The following FBXL17 variants were observed in gnomAD, a reference collection of about 807,000 sequenced individuals.
FBXL17 encodes F-box and leucine rich repeat protein 17, also known as F-box/LRR-repeat protein 17.
In FBXL17, 22 loss-of-function variants were observed where a neutral mutation model predicts 66.2. That is an observed-to-expected ratio of 0.33 (90% confidence interval 0.24 to 0.47). FBXL17 has a LOEUF of 0.47. Among genes scored for constraint, FBXL17 ranks in the 20% least tolerant of loss-of-function variants. FBXL17 has a pLI of 1.00. For synonymous variants in FBXL17, 474 were observed against 400.5 expected, an observed-to-expected ratio of 1.18 and a Z score of -2.19; for missense variants, 878 against 948.2, an observed-to-expected ratio of 0.93 and a Z score of 0.97.
intron 6 of FBXL17, among the ~76,000 whole-genome samples, chr5:108,133,396 T>C (rs1320823823): frequency 6.6e-6 from 1 of 152,218 alleles, no homozygotes; most frequent in Non-Finnish European, 1.5e-5. Flanking sequence ...GAATTCTATG[T>C]GCCATGTTAG....
intron 6 of FBXL17, among the ~76,000 whole-genome samples, chr5:108,155,384 A>G (rs1439579626): frequency 1.3e-5 from 2 of 152,040 alleles, no homozygotes; most frequent in African/African-American, 4.8e-5. Flanking sequence ...GCGTGGTGGC[A>G]CGTGCCTGTA....
chr5:108,187,542 T>A (rs199532063), intron 5 of FBXL17, among the ~76,000 whole-genome samples: 1 of 152,212 alleles, frequency 6.6e-6, no homozygotes, highest in Admixed American at 6.5e-5. Context: ...AGGAGATGTT[T>A]CAATCATGAA....
intron 4 of FBXL17, among the ~76,000 whole-genome samples, chr5:108,296,349 T>TA (rs1758349928): frequency 6.6e-6 from 1 of 151,908 alleles, no homozygotes; most frequent in South Asian, 2.1e-4. Flanking sequence ...CATTTTCATA[T>TA]AAAAAATCAG....
chr5:108,025,720 C>CGT (rs1179606692), intron 6 of FBXL17, among the ~76,000 whole-genome samples: 2,892 of 122,552 alleles, frequency 0.024, 113 homozygotes, highest in African/African-American at 0.087. Context: ...CACACACACG[C>CGT]GCGCGCGCAC....
chr5:107,861,717 G>A lies in FBXL17; in HGVS notation c.*3C>T, dbSNP rs143844606. 9 of 1,573,270 alleles carry A rather than the reference G, an allele frequency of 5.7e-6. No individual in the cohort carries two copies. Among genetic ancestry groups the A allele is most frequent in the South Asian group, 1.2e-5 (1 of 84,422 alleles). On this transcript the variant is annotated 3_prime_UTR_variant, in exon 9 of 9. Coordinates refer to ENST00000542267, the MANE Select transcript of FBXL17 (RefSeq NM_001163315.3). ...TCCCAGTGGACTAGGCGAGGCAGGA[G>A]CGCTAGGAGGAGGCGGCAGACATGT...
intron 6 of FBXL17, among the ~76,000 whole-genome samples, chr5:108,140,787 T>C (rs778519521): frequency 9.9e-5 from 15 of 152,138 alleles, no homozygotes; most frequent in Non-Finnish European, 1.9e-4. Flanking sequence ...TGCTTATTCA[T>C]TGAATGGTAC....
At chr5:108,232,786 TATATATATATATATATATA>T (rs1259034570) in intron 4 of FBXL17, among the ~76,000 whole-genome samples, 1 of 118,770 alleles carries the variant, frequency 8.4e-6, no homozygotes, top group East Asian at 2.2e-4. Flanking sequence ...CTCTCACATA[TATATATATATATATATATA>T]ATATATACTA....
At chr5:108,233,363 T>C (rs924602836) in intron 4 of FBXL17, among the ~76,000 whole-genome samples, 3 of 152,132 alleles carry the variant, frequency 2.0e-5, no homozygotes, top group Non-Finnish European at 2.9e-5. Context: ...CGATACACTA[T>C]AGAGGAATTT....
intron 7 of FBXL17, among the ~76,000 whole-genome samples, chr5:107,968,208 C>T (rs949361519): frequency 6.6e-6 from 1 of 152,070 alleles, no homozygotes; most frequent in African/African-American, 2.4e-5. Context: ...AGATGAAGAG[C>T]TCTTTTTTTC....
intron 7 of FBXL17, among the ~76,000 whole-genome samples, chr5:107,979,085 G>C (rs1752703204): frequency 6.6e-6 from 1 of 152,184 alleles, no homozygotes; most frequent in Non-Finnish European, 1.5e-5. Context: ...CAATGCATGT[G>C]AAACGGTTAC....
intron 5 of FBXL17, among the ~76,000 whole-genome samples, chr5:108,190,250 GCA>G (rs1753417207): frequency 1.3e-5 from 2 of 152,178 alleles, no homozygotes. Flanking sequence ...GCTCACAAAA[GCA>G]CAGAGTGAGA....
chr5:108,320,181 G>A (rs1056629905), intron 4 of FBXL17, among the ~76,000 whole-genome samples: 2 of 150,756 alleles, frequency 1.3e-5, no homozygotes, highest in Non-Finnish European at 3.0e-5. Context: ...TTTCTTTTAC[G>A]CCCTTCTTTG....
At chr5:108,364,417 T>C (rs1350472638) in intron 3 of FBXL17, among the ~76,000 whole-genome samples, 1 of 152,038 alleles carries the variant, frequency 6.6e-6, no homozygotes, top group Non-Finnish European at 1.5e-5. Context: ...AAAATGTTAA[T>C]TTTTAAAACC....
intron 2 of FBXL17, 72 bp from the exon 3 acceptor site, chr5:108,365,067 T>G: frequency 9.1e-7 from 1 of 1,098,028 alleles, no homozygotes; most frequent in South Asian, 1.6e-5. Context: ...TTTAATTAAA[T>G]GTTCCACAAT....
At chr5:107,906,747 A>G (rs1749774256) in intron 7 of FBXL17, among the ~76,000 whole-genome samples, 1 of 152,224 alleles carries the variant, frequency 6.6e-6, no homozygotes, top group Non-Finnish European at 1.5e-5. Flanking sequence ...AATTGTTATG[A>G]ATAGTAAACT....
intron 7 of FBXL17, among the ~76,000 whole-genome samples, chr5:108,005,959 G>A (rs1157020519): frequency 6.6e-6 from 1 of 152,178 alleles, no homozygotes; most frequent in Non-Finnish European, 1.5e-5. Context: ...GGTGAACCGT[G>A]ACGTGGGACT....
intron 6 of FBXL17, among the ~76,000 whole-genome samples, chr5:108,102,935 A>G (rs1669137434): frequency 6.6e-6 from 1 of 152,238 alleles, no homozygotes; most frequent in African/African-American, 2.4e-5. Context: ...ACTGTAAAGC[A>G]TAGTTGACAA....
At chr5:108,186,973 A>G (rs761056214) in intron 5 of FBXL17, among the ~76,000 whole-genome samples, 5 of 152,002 alleles carry the variant, frequency 3.3e-5, no homozygotes, top group Non-Finnish European at 7.4e-5. Flanking sequence ...TTATTTTTTT[A>G]AAGATGAAAT....
chr5:107,964,165 C>G (rs1158456810), intron 7 of FBXL17, among the ~76,000 whole-genome samples: 1 of 152,098 alleles, frequency 6.6e-6, no homozygotes, highest in Non-Finnish European at 1.5e-5. Context: ...GTAGTGAAGA[C>G]CTGGCATCAA....
Sources: gnomAD v4.1 joint callset for allele counts (sites outside exome capture counted in the v4.1 genomes callset) on GRCh38, gnomAD v4.1.1 for gene constraint, MANE v1.5 for transcripts, NCBI Gene and HGNC (gene_info 2026-07-23, HGNC 2026-07-21) for gene names.